The following TMEM41B variants were observed in gnomAD, a reference collection of about 807,000 sequenced individuals.
The protein encoded by TMEM41B is protein stasimon.
A neutral mutation model predicts 31.9 loss-of-function variants in TMEM41B; 18 were observed. The observed-to-expected ratio is 0.56, with a 90% CI of 0.39 to 0.84. The LOEUF is 0.84. TMEM41B is among the 40% of genes least tolerant of loss of function. The pLI is 0.00. For synonymous variants in TMEM41B, 144 were observed against 124.3 expected (o/e 1.16, Z -1.05); for missense variants, 322 against 348.0 (o/e 0.93, Z 0.59).
chr11:9,300,453 A>G (rs1590382720), intron 1 of TMEM41B, among the ~76,000 whole-genome samples: 1 of 152,190 alleles, frequency 6.6e-6, no homozygotes, highest in East Asian at 1.9e-4. Flanking sequence ...GTGAAATGTT[A>G]TACTTTCTCT....
At chr11:9,306,490 G>A (rs1026024720) in intron 1 of TMEM41B, among the ~76,000 whole-genome samples, 4 of 151,834 alleles carry the variant, frequency 2.6e-5, no homozygotes, top group Admixed American at 2.0e-4. Context: ...AGACCATCCT[G>A]GCTAACACGG....
chr11:9,288,096 C>CCCCCCGACCCTA, intron 4 of TMEM41B: 1 of 386,588 alleles, frequency 2.6e-6, no homozygotes, highest in South Asian at 3.1e-5. Context: ...ATTTCCACCT[C>CCCCCCGACCCTA]CCCCCGACCC....
At chr11:9,296,436 G>A (rs1438962501) in intron 2 of TMEM41B, among the ~76,000 whole-genome samples, 1 of 151,548 alleles carries the variant, frequency 6.6e-6, no homozygotes, top group African/African-American at 2.4e-5. Context: ...GACCAGCCTG[G>A]CAAACGTGTT....
At chr11:9,288,811 G>A (rs546405274) in intron 3 of TMEM41B, among the ~76,000 whole-genome samples, 485 of 152,170 alleles carry the variant, frequency 3.2e-3, no homozygotes, top group Non-Finnish European at 5.5e-3. Flanking sequence ...AAGGTCTTCC[G>A]TAATCTTTTA....
At position 9,283,244 on chromosome 11, in the gene TMEM41B, T is replaced by C; in HGVS notation, c.*180A>G. On this transcript the variant is annotated 3_prime_UTR_variant, in exon 7 of 7. Coordinates refer to ENST00000528080, the MANE Select transcript of TMEM41B (RefSeq NM_015012.4). ...TAGCACTTTTCACAGTATACCAATT[T>C]CCATTTTTACTTTCTTCTCCCCTTG... 1.8e-6 allele frequency: 1 copy of C among 542,604 alleles called. No individual in the cohort carries two copies. The highest frequency in any genetic ancestry group is 3.2e-6 in the Non-Finnish European group (1 of 315,008). 33.6% of individuals were successfully genotyped at this position (542,604 alleles called of 1,614,324 possible). A position where few individuals can be genotyped will look rare whatever the true frequency, so the allele number is the denominator to read the frequency against.
Position 9,283,298 on chromosome 11 carries a change from G to C in TMEM41B, c.*126C>G, listed in dbSNP as rs914888673. On this transcript the variant is annotated 3_prime_UTR_variant, in exon 7 of 7. Coordinates refer to ENST00000528080, the MANE Select transcript of TMEM41B (RefSeq NM_015012.4). ...CTTAAATGTATTACTTTAACTATCT[G>C]ATAGGAAATTTTATTTTACAAATTC... 36 of 751,736 alleles carry C rather than the reference G, an allele frequency of 4.8e-5. 1 individual carries two copies. The Admixed American group carries it at 6.9e-4, about 14-fold the overall frequency. The allele number at this position is 751,736 out of a possible 1,614,324, so 46.6% of individuals were successfully genotyped here.
At chr11:9,284,573 G>A (rs1395962552) in intron 6 of TMEM41B, among the ~76,000 whole-genome samples, 1 of 152,032 alleles carries the variant, frequency 6.6e-6, no homozygotes, top group Admixed American at 6.6e-5. Context: ...GACCAGCCTG[G>A]CCAACATGAT....
chr11:9,307,003 TC>T (rs1397780498), intron 1 of TMEM41B, among the ~76,000 whole-genome samples: 1 of 152,194 alleles, frequency 6.6e-6, no homozygotes, highest in African/African-American at 2.4e-5. Flanking sequence ...GAATTCTTTC[TC>T]CATATACTCA....
chr11:9,309,334 G>C (rs768829719), intron 1 of TMEM41B, among the ~76,000 whole-genome samples: 1 of 151,902 alleles, frequency 6.6e-6, no homozygotes. Context: ...CTCATTACTT[G>C]ATTTACTTAC....
intron 3 of TMEM41B, among the ~76,000 whole-genome samples, chr11:9,293,573 CTTTTTA>C (rs981860529): frequency 5.9e-5 from 9 of 151,916 alleles, no homozygotes; most frequent in African/African-American, 1.9e-4. Flanking sequence ...ACTTCTGATT[CTTTTTA>C]TTTTTGTTAT....
At chr11:9,299,478 C>A in intron 2 of TMEM41B, 106 bp downstream of exon 2, 1 of 766,004 alleles carries the variant, frequency 1.3e-6, no homozygotes, top group Non-Finnish European at 2.1e-6. Flanking sequence ...CCACCTCGGC[C>A]TCCCAAAGTG....
At chr11:9,309,510 A>T (rs937941256) in intron 1 of TMEM41B, among the ~76,000 whole-genome samples, 2 of 111,516 alleles carry the variant, frequency 1.8e-5, no homozygotes, top group East Asian at 8.1e-4. Context: ...CATCTACAGT[A>T]ATCAGAGCTT....
intron 1 of TMEM41B, among the ~76,000 whole-genome samples, chr11:9,310,041 A>ATTTTT (rs1254741007): frequency 6.7e-6 from 1 of 148,278 alleles, no homozygotes. Flanking sequence ...TATTATTATT[A>ATTTTT]TTATTTTTTT....
At chr11:9,304,218 C>T (rs1853326168) in intron 1 of TMEM41B, among the ~76,000 whole-genome samples, 1 of 152,098 alleles carries the variant, frequency 6.6e-6, no homozygotes, top group Non-Finnish European at 1.5e-5. Context: ...TTAAACATCT[C>T]AGGTAGGTCA....
intron 1 of TMEM41B, 55 bp downstream of exon 1, chr11:9,314,266 C>T: frequency 1.3e-6 from 2 of 1,536,784 alleles, no homozygotes; most frequent in South Asian, 1.2e-5. Context: ...CTTTTCCCCA[C>T]CCGACACACA....
In TMEM41B at chr11:9,283,381, T is replaced by C; in HGVS notation, c.*43A>G. ...CATAAATGGATGCACCTGTTAATCC[T>C]GAGATGGTGATGACAGCAAAACTAA... On this transcript the variant is annotated 3_prime_UTR_variant, in exon 7 of 7. Transcript: ENST00000528080. 6.7e-7 allele frequency: 1 copy of C among 1,489,264 alleles called. No individual in the cohort carries two copies. Among genetic ancestry groups the C allele is most frequent in the Non-Finnish European group, 9.2e-7 (1 of 1,088,518 alleles). The allele number at this position is 1,489,264 out of a possible 1,614,324, so 92.3% of individuals were successfully genotyped here. A position where few individuals can be genotyped will look rare whatever the true frequency, so the allele number is the denominator to read the frequency against.
chr11:9,288,553 A>G lies in TMEM41B; in HGVS notation c.369-18T>C. 1 of 1,511,768 alleles carries G rather than the reference A, an allele frequency of 6.6e-7. No homozygotes were observed. Among genetic ancestry groups the G allele is most frequent in the South Asian group, 1.3e-5 (1 of 79,336 alleles). 93.6% of individuals were successfully genotyped at this position (1,511,768 alleles called of 1,614,324 possible). ...TTTGCAAGCTGGTAACTTTTAAGTT[A>G]AGGATTAGAATATAATTAAGTAGAA... On this transcript the variant is annotated intron_variant, in intron 3 of 6. Transcript: ENST00000528080.
intron 6 of TMEM41B, among the ~76,000 whole-genome samples, chr11:9,285,030 C>T (rs1045323450): frequency 2.6e-5 from 4 of 151,938 alleles, no homozygotes; most frequent in African/African-American, 9.7e-5. Context: ...TAAAAATTCC[C>T]CATGCTGATG....
At chr11:9,295,727 G>A (rs1022246404) in intron 2 of TMEM41B, among the ~76,000 whole-genome samples, 1 of 152,124 alleles carries the variant, frequency 6.6e-6, no homozygotes, top group African/African-American at 2.4e-5. Flanking sequence ...TAGAGAGGGA[G>A]TTTCACCATG....
Sources: allele counts gnomAD v4.1 joint callset (sites outside exome capture counted in the v4.1 genomes callset), GRCh38; gene constraint gnomAD v4.1.1; transcripts MANE v1.5; gene names NCBI Gene and HGNC (gene_info 2026-07-23, HGNC 2026-07-21).